Variants in SERPINB8 observed in about 807,000 individuals in gnomAD.
SERPINB8 encodes the protein serpin family B member 8, also known as serpin B8.
SERPINB8 carries 25 observed loss-of-function variants against 35.3 expected under a neutral mutation model. The observed-to-expected ratio is 0.71, with a 90% CI of 0.52 to 0.99. SERPINB8 has a LOEUF of 0.99. SERPINB8 is among the 50% of genes least tolerant of loss of function. The probability of loss-of-function intolerance (pLI) is 0.00; values close to 1 mark genes in which losing one functional copy is unlikely to be tolerated. For synonymous variants in SERPINB8, 186 were observed against 160.8 expected (o/e 1.16, Z -1.19); for missense variants, 484 against 446.5 (o/e 1.08, Z -0.76).
At position 63,987,142 on chromosome 18, in the gene SERPINB8, C is replaced by A; in HGVS notation, c.989C>A (p.Ala330Glu). The A allele has an allele frequency of 6.2e-7, 1 of 1,614,204 alleles. No individual in the cohort carries two copies. Among genetic ancestry groups the A allele is most frequent in the Non-Finnish European group, 8.5e-7 (1 of 1,180,040 alleles). The change falls in exon 7 of 7, where the codon GCA (alanine) becomes GAA (glutamate). Residue 330 changes from alanine to glutamate, a missense_variant. Ala to Glu is a moderately radical substitution (Grantham distance 107). Transcript: ENST00000397985. Reference protein sequence around the residue: ...EVNEEGTEAAAATAVVRNSRC... With the variant: ...EVNEEGTEAAEATAVVRNSRC... Reference sequence around the variant, plus strand: ...AATGAGGAAGGCACAGAGGCTGCCGCAGCCACTGCTGTGGTCAGGAATTCC... The same window carrying A: ...AATGAGGAAGGCACAGAGGCTGCCGAAGCCACTGCTGTGGTCAGGAATTCC...
At chr18:64,004,374 G>T (rs2050890216) in intron 1 of SERPINB8, among the ~76,000 whole-genome samples, 2 of 152,060 alleles carry the variant, frequency 1.3e-5, no homozygotes, top group South Asian at 2.1e-4. Context: ...TAAAATAAAA[G>T]CGGTATAGAG....
chr18:63,977,294 G>T (rs2050596672), intron 1 of SERPINB8, among the ~76,000 whole-genome samples: 1 of 151,856 alleles, frequency 6.6e-6, no homozygotes, highest in South Asian at 2.1e-4. Flanking sequence ...GGGTGATAAT[G>T]GAAAGTGCTG....
chr18:63,979,855 A>G lies in SERPINB8; in HGVS notation c.223A>G (p.Ser75Gly). The G allele has an allele frequency of 6.2e-7, 1 of 1,614,084 alleles. No homozygotes were observed. The highest frequency in any genetic ancestry group is 1.1e-5 in the South Asian group (1 of 91,082). The change falls in exon 3 of 7, where the codon AGT becomes GGT. Residue 75 changes from serine to glycine, a missense_variant. Coordinates refer to ENST00000397985, the MANE Select transcript of SERPINB8 (RefSeq NM_002640.4). Reference sequence around the variant, plus strand: ...TCACCGAGGTTTCCAGTCACTTCTCAGTGAAGTTAACAGAACTGGCACTCA... The same window carrying G: ...TCACCGAGGTTTCCAGTCACTTCTCGGTGAAGTTAACAGAACTGGCACTCA... The part of the protein sequence containing the change: ...DIHRGFQSLL[S>G]EVNRTGTQYL...
downstream of SERPINB8, among the ~76,000 whole-genome samples, chr18:63,989,693 C>CA (rs554108291): frequency 3.9e-4 from 60 of 152,170 alleles, 1 homozygote; most frequent in South Asian, 0.011. Context: ...CCTGTAATCC[C>CA]AGCACTTTGG....
intron 1 of SERPINB8, among the ~76,000 whole-genome samples, chr18:63,975,206 C>T (rs914023780): frequency 6.6e-6 from 1 of 152,018 alleles, no homozygotes; most frequent in Non-Finnish European, 1.5e-5. Flanking sequence ...TGGATCAAAT[C>T]CAAATTTATT....
At chr18:63,970,566 G>C (rs552702446) in intron 1 of SERPINB8, 5 of 152,740 alleles carry the variant, frequency 3.3e-5, no homozygotes, top group African/African-American at 1.2e-4. Flanking sequence ...GACGCGAGCA[G>C]TGAGTTTGGA....
chr18:64,009,264 T>C (rs550303507), downstream of SERPINB8, among the ~76,000 whole-genome samples: 6 of 152,342 alleles, frequency 3.9e-5, no homozygotes, highest in South Asian at 4.1e-4. Context: ...TTGTCAGTTC[T>C]CCCTCACTTG....
chr18:63,985,058 A>T lies in SERPINB8; in HGVS notation c.568-35A>T, dbSNP rs369446391. The T allele has an allele frequency of 2.6e-4, 413 of 1,609,474 alleles. No individual in the cohort carries two copies. Among genetic ancestry groups the T allele is most frequent in the Non-Finnish European group, 3.3e-4 (391 of 1,176,510 alleles). On this transcript the variant is annotated intron_variant, in intron 5 of 6. Coordinates refer to ENST00000397985, the MANE Select transcript of SERPINB8 (RefSeq NM_002640.4). ...ATCCTATTTTTAGTAAATTATACCC[A>T]CTTTTCAGTAATCGAACTTTAATTT...
intron 7 of SERPINB8, among the ~76,000 whole-genome samples, chr18:64,010,951 A>G (rs2050923176): frequency 6.6e-6 from 1 of 151,714 alleles, no homozygotes; most frequent in Non-Finnish European, 1.5e-5. Flanking sequence ...TAACATATAT[A>G]TATATATATG....
downstream of SERPINB8, among the ~76,000 whole-genome samples, chr18:63,991,108 C>G (rs1254146942): frequency 6.6e-6 from 1 of 152,202 alleles, no homozygotes; most frequent in Non-Finnish European, 1.5e-5. Flanking sequence ...TCCACATTGT[C>G]TGAATTACTG....
At chr18:64,016,410 T>C (rs912407015) in intron 7 of SERPINB8, among the ~76,000 whole-genome samples, 13 of 152,208 alleles carry the variant, frequency 8.5e-5, no homozygotes, top group African/African-American at 2.9e-4. Context: ...CAGGGTAGAT[T>C]GCAGTAAGGT....
chr18:63,973,026 A>T (rs2050517118), intron 1 of SERPINB8, among the ~76,000 whole-genome samples: 1 of 152,228 alleles, frequency 6.6e-6, no homozygotes, highest in Non-Finnish European at 1.5e-5. Context: ...TGGCTGGGTC[A>T]AATGGTATTT....
chr18:64,001,909 G>C (rs1360614985), intron 1 of SERPINB8, among the ~76,000 whole-genome samples: 1 of 152,274 alleles, frequency 6.6e-6, no homozygotes, highest in Middle Eastern at 3.4e-3. Flanking sequence ...TCTGGGAAAC[G>C]CTTTCTACTT....
chr18:63,981,465 A>T (rs932694816), intron 3 of SERPINB8, among the ~76,000 whole-genome samples: 3 of 152,178 alleles, frequency 2.0e-5, no homozygotes, highest in African/African-American at 7.2e-5. Context: ...GTGGCAGCTC[A>T]TGATGTCCTG....
chr18:63,990,140 A>G (rs2050817246), downstream of SERPINB8, among the ~76,000 whole-genome samples: 1 of 141,704 alleles, frequency 7.1e-6, no homozygotes, highest in Non-Finnish European at 1.5e-5. Flanking sequence ...CAGGGGCACG[A>G]TCTCGGCTCA....
chr18:63,990,071 GTT>G (rs747683579), downstream of SERPINB8, among the ~76,000 whole-genome samples: 46 of 116,108 alleles, frequency 4.0e-4, no homozygotes, highest in African/African-American at 1.1e-3. Flanking sequence ...TTGTTTTCGT[GTT>G]TTTTTTTTTT....
At chr18:63,976,020 G>A (rs1049933744) in intron 1 of SERPINB8, among the ~76,000 whole-genome samples, 4 of 152,132 alleles carry the variant, frequency 2.6e-5, no homozygotes, top group Admixed American at 1.3e-4. Flanking sequence ...ACACATGCAC[G>A]ATAATTTATA....
At chr18:63,974,418 G>A (rs924733363) in intron 1 of SERPINB8, among the ~76,000 whole-genome samples, 1 of 152,146 alleles carries the variant, frequency 6.6e-6, no homozygotes, top group African/African-American at 2.4e-5. Context: ...AGGTATTTGG[G>A]GCTCCCAGGA....
chr18:64,009,757 C>G (rs937065936), downstream of SERPINB8, among the ~76,000 whole-genome samples: 1 of 152,078 alleles, frequency 6.6e-6, no homozygotes, highest in African/African-American at 2.4e-5. Context: ...TCAATAATGC[C>G]CACAAGCTTA....
Sources: allele counts gnomAD v4.1 joint callset (sites outside exome capture counted in the v4.1 genomes callset), GRCh38; gene constraint gnomAD v4.1.1; transcripts MANE v1.5; gene names NCBI Gene and HGNC (gene_info 2026-07-23, HGNC 2026-07-21).